Variants in ACOT12 observed in about 807,000 individuals in gnomAD.
ACOT12 encodes the protein acetyl-coenzyme A thioesterase.
In ACOT12, 51 loss-of-function variants were observed where a neutral mutation model predicts 67.7. That is an observed-to-expected ratio of 0.75 (90% CI 0.60 to 0.95). The LOEUF (loss-of-function observed/expected upper bound fraction) is 0.95. Among genes scored for constraint, ACOT12 ranks in the 40% least tolerant of loss-of-function variants. The pLI is 0.00. For missense variants in ACOT12, 734 were observed against 708.1 expected, an observed-to-expected ratio of 1.04 and a Z score of -0.41; for synonymous variants, 251 against 244.6, an observed-to-expected ratio of 1.03 and a Z score of -0.24.
intron 1 of ACOT12, among the ~76,000 whole-genome samples, chr5:81,388,761 C>T (rs1436428330): frequency 2.6e-5 from 4 of 152,128 alleles, no homozygotes; most frequent in Admixed American, 6.5e-5. Context: ...TTGTAGCTCC[C>T]ATAATTCCCA....
intron 9 of ACOT12, 115 bp from the exon 10 acceptor site, chr5:81,343,996 G>T: frequency 1.7e-6 from 2 of 1,207,202 alleles, no homozygotes; most frequent in Non-Finnish European, 2.4e-6. Flanking sequence ...GTGGAACAAC[G>T]TGGAAGAACT....
At position 81,345,064 on chromosome 5, in the gene ACOT12, G is replaced by T. The variant is rs6879397; in HGVS notation, c.774-23C>A. The stretch of plus-strand genomic sequence containing the variant: ...ACACTGTGAAGGGTGATGCAGGGCG[G>T]TGGGCAAAGAGGATCTTGACCCATC... On this transcript the variant is annotated intron_variant, in intron 7 of 14. Transcript: ENST00000307624. The T allele has an allele frequency of 0.018, 28,310 of 1,612,876 alleles. 4,015 individuals are homozygous for T. The African/African-American group carries it at 0.32, about 18-fold the overall frequency.
intron 2 of ACOT12, among the ~76,000 whole-genome samples, chr5:81,382,712 G>C (rs1480196820): frequency 2.0e-5 from 3 of 151,784 alleles, no homozygotes; most frequent in Non-Finnish European, 4.4e-5. Context: ...TGAGGCAGGA[G>C]AATCGCTTGA....
intron 2 of ACOT12, among the ~76,000 whole-genome samples, chr5:81,372,662 C>T (rs12519060): frequency 0.11 from 16,133 of 152,202 alleles, 907 homozygotes; most frequent in Middle Eastern, 0.16. Context: ...AAAGCTTCTC[C>T]TTTCTAAAAT....
intron 8 of ACOT12, 39 bp from the exon 9 acceptor site, chr5:81,344,254 A>G (rs2153848725): frequency 6.3e-7 from 1 of 1,578,770 alleles, no homozygotes; most frequent in Middle Eastern, 1.7e-4. Flanking sequence ...AAAATAAAAT[A>G]AAATATCTAC....
intron 2 of ACOT12, among the ~76,000 whole-genome samples, chr5:81,376,027 A>C (rs1473495073): frequency 2.0e-5 from 3 of 152,064 alleles, no homozygotes; most frequent in Non-Finnish European, 4.4e-5. Flanking sequence ...CCAAATGAAC[A>C]GAATATACAT....
At chr5:81,315,391 T>C in the ACOT12 span, among the ~76,000 whole-genome samples, 12 of 152,184 alleles carry the variant, frequency 7.9e-5, no homozygotes, top group Non-Finnish European at 1.5e-5. Context: ...TGACCATCCT[T>C]ATAGGAAAGA....
At chr5:81,363,268 C>T (rs1441265384) in intron 4 of ACOT12, among the ~76,000 whole-genome samples, 1 of 152,144 alleles carries the variant, frequency 6.6e-6, no homozygotes, top group Non-Finnish European at 1.5e-5. Flanking sequence ...GCTCATCAGG[C>T]CAAAGTATCA....
intron 3 of ACOT12, 130 bp downstream of exon 3, chr5:81,371,620 A>G: frequency 2.3e-6 from 2 of 885,814 alleles, no homozygotes; most frequent in South Asian, 1.6e-5. Context: ...ACCTGACTAC[A>G]CATTCCAGAG....
intron 5 of ACOT12, among the ~76,000 whole-genome samples, chr5:81,353,927 A>T (rs1759630117): frequency 6.6e-6 from 1 of 152,210 alleles, no homozygotes; most frequent in Non-Finnish European, 1.5e-5. Flanking sequence ...TAGAACACAC[A>T]ATGTCCTATC....
the ACOT12 span, among the ~76,000 whole-genome samples, chr5:81,324,264 T>A: frequency 2.0e-5 from 3 of 152,154 alleles, no homozygotes; most frequent in African/African-American, 7.2e-5. Context: ...ATAATCCAGA[T>A]GAGAGAAGAT....
rs1282665279 is a variant in ACOT12 at position 81,332,472 on chromosome 5, C to T, written c.1391+5G>A. 1.9e-6 allele frequency: 3 copies of T among 1,613,854 alleles called. No homozygotes were observed. Among genetic ancestry groups the T allele is most frequent in the South Asian group, 1.1e-5 (1 of 91,070 alleles). On this transcript the variant is annotated splice_donor_5th_base_variant and intron_variant, in intron 13 of 14. Coordinates refer to ENST00000307624, the MANE Select transcript of ACOT12 (RefSeq NM_130767.3). ...TAATAGAACACTTGGACTGCATATA[C>T]TCACCCATCTTTGAGGGGTTTTCTT...
chr5:81,372,000 A>T (rs186350911), intron 2 of ACOT12, among the ~76,000 whole-genome samples, 190 bp from the exon 3 acceptor site: 54 of 152,342 alleles, frequency 3.5e-4, no homozygotes, highest in African/African-American at 1.1e-3. Context: ...GATAACTGTA[A>T]ACCACACTTA....
chr5:81,309,300 T>G, the ACOT12 span: 1 of 346,204 alleles, frequency 2.9e-6, no homozygotes, highest in African/African-American at 2.1e-5. Flanking sequence ...ATGTCATACA[T>G]TTCTACTTTT....
intron 1 of ACOT12, among the ~76,000 whole-genome samples, chr5:81,390,172 G>C (rs571577445): frequency 1.3e-5 from 2 of 151,148 alleles, no homozygotes; most frequent in East Asian, 3.9e-4. Flanking sequence ...ATGTTGCCCA[G>C]GCTGGTCTCA....
chr5:81,393,950 C>G, intron 1 of ACOT12, 38 bp downstream of exon 1: 4 of 1,304,064 alleles, frequency 3.1e-6, no homozygotes, highest in South Asian at 2.3e-5. Context: ...CCCGCAGCCC[C>G]GGTCCCGCGC....
intron 2 of ACOT12, among the ~76,000 whole-genome samples, chr5:81,381,428 C>T (rs1245287342): frequency 2.0e-5 from 3 of 152,110 alleles, no homozygotes; most frequent in Admixed American, 1.3e-4. Flanking sequence ...CAGCACATAA[C>T]TGCATATTGG....
At chr5:81,316,928 C>T in the ACOT12 span, among the ~76,000 whole-genome samples, 28 of 152,210 alleles carry the variant, frequency 1.8e-4, no homozygotes, top group South Asian at 1.7e-3. Flanking sequence ...AGAATTGAAA[C>T]GGCTTTATTT....
At chr5:81,335,716 C>A in intron 12 of ACOT12, 52 bp downstream of exon 12, 2 of 1,572,578 alleles carry the variant, frequency 1.3e-6, no homozygotes, top group Non-Finnish European at 1.7e-6. Flanking sequence ...TGGAGATCAT[C>A]TTTTACATTA....
Sources: allele counts gnomAD v4.1 joint callset (sites outside exome capture counted in the v4.1 genomes callset), GRCh38; gene constraint gnomAD v4.1.1; transcripts MANE v1.5; gene names NCBI Gene and HGNC (gene_info 2026-07-23, HGNC 2026-07-21).